TTC7B: variants seen among roughly 807,000 people sequenced by gnomAD.
TTC7B encodes the protein tetratricopeptide repeat domain 7B, also known as tetratricopeptide repeat protein 7B.
In TTC7B, 28 loss-of-function variants were observed where a neutral mutation model predicts 106.8. The observed-to-expected ratio is 0.26, with a 90% CI of 0.19 to 0.36. The LOEUF (loss-of-function observed/expected upper bound fraction) is 0.36. Ranked by LOEUF, TTC7B falls within the 10% of genes least tolerant of loss-of-function variation. The pLI is 1.00. For missense variants in TTC7B, 862 were observed against 1,076.4 expected, an observed-to-expected ratio of 0.80 and a Z score of 2.79; for synonymous variants, 405 against 430.6, an observed-to-expected ratio of 0.94 and a Z score of 0.74.
chr14:90,677,336 G>A (rs145369853), intron 8 of TTC7B, among the ~76,000 whole-genome samples: 2 of 152,286 alleles, frequency 1.3e-5, no homozygotes, highest in East Asian at 1.9e-4. Context: ...AGAGAACACC[G>A]TCAATTTTCT....
chr14:90,702,317 C>A (rs1035151139), intron 5 of TTC7B, among the ~76,000 whole-genome samples: 23 of 152,206 alleles, frequency 1.5e-4, no homozygotes, highest in Non-Finnish European at 2.9e-4. Flanking sequence ...ACCCACCTCA[C>A]TGTTGTAAGA....
chr14:90,547,525 G>A (rs1369095454), intron 19 of TTC7B, among the ~76,000 whole-genome samples: 1 of 152,260 alleles, frequency 6.6e-6, no homozygotes, highest in Non-Finnish European at 1.5e-5. Flanking sequence ...GCTGGACACT[G>A]TGGCTCACGC....
intron 1 of TTC7B, among the ~76,000 whole-genome samples, chr14:90,788,276 G>A (rs1298148355): frequency 1.3e-5 from 2 of 152,114 alleles, no homozygotes; most frequent in African/African-American, 4.8e-5. Flanking sequence ...GCGTGGGGCC[G>A]GTCCAGACAC....
intron 18 of TTC7B, among the ~76,000 whole-genome samples, chr14:90,582,827 C>T (rs1006117): frequency 0.14 from 22,048 of 152,190 alleles, 2,009 homozygotes; most frequent in East Asian, 0.32. Context: ...GCATGGGGCA[C>T]AACGTCTTAG....
At chr14:90,636,969 G>GA (rs950423011) in intron 15 of TTC7B, among the ~76,000 whole-genome samples, 167 of 117,998 alleles carry the variant, frequency 1.4e-3, no homozygotes, top group Non-Finnish European at 2.2e-3. Context: ...AAGAGATTAA[G>GA]AAAAAAAAAA....
intron 3 of TTC7B, among the ~76,000 whole-genome samples, chr14:90,769,835 A>T (rs1890803262): frequency 6.6e-6 from 1 of 152,176 alleles, no homozygotes; most frequent in Non-Finnish European, 1.5e-5. Flanking sequence ...CTATACTGAT[A>T]TCCAACAAAA....
At chr14:90,554,236 C>A (rs1465103508) in intron 19 of TTC7B, among the ~76,000 whole-genome samples, 1 of 152,208 alleles carries the variant, frequency 6.6e-6, no homozygotes, top group Non-Finnish European at 1.5e-5. Context: ...AGCCCCAAAG[C>A]CCCACAGTCC....
chr14:90,706,378 T>C (rs1263737006), intron 5 of TTC7B, among the ~76,000 whole-genome samples: 1 of 152,052 alleles, frequency 6.6e-6, no homozygotes, highest in Non-Finnish European at 1.5e-5. Flanking sequence ...TTAACCAGGA[T>C]GGTCTCGATC....
At chr14:90,706,270 C>A (rs1349836732) in intron 5 of TTC7B, among the ~76,000 whole-genome samples, 1 of 151,048 alleles carries the variant, frequency 6.6e-6, no homozygotes, top group Non-Finnish European at 1.5e-5. Context: ...TCACACCATT[C>A]TCCTGCCTCA....
intron 16 of TTC7B, among the ~76,000 whole-genome samples, chr14:90,617,480 T>C (rs932899138): frequency 6.6e-6 from 1 of 152,242 alleles, no homozygotes; most frequent in Non-Finnish European, 1.5e-5. Context: ...TTCACAGTGA[T>C]ATTTTATGCC....
intron 19 of TTC7B, among the ~76,000 whole-genome samples, chr14:90,565,399 C>CT (rs35307541): frequency 0.3 from 32,803 of 107,634 alleles, 7,334 homozygotes; most frequent in Non-Finnish European, 0.41. Context: ...TCCTTTCTAG[C>CT]TTTTTTTTTT....
Position 90,647,033 on chromosome 14 carries a change from T to C in TTC7B, c.1518-10A>G, listed in dbSNP as rs779843983. 3 of 1,613,714 alleles carry C rather than the reference T, an allele frequency of 1.9e-6. No homozygotes were observed. The highest frequency in any genetic ancestry group is 2.7e-5 in the African/African-American group (2 of 74,920). ...TGACAGGCTGTGGGCCCTGAAAAAG[T>C]ATTTACGGCTATTAGTACATGGGAG... is the stretch of plus-strand genomic sequence containing the variant. On this transcript the variant is annotated splice_polypyrimidine_tract_variant and intron_variant, in intron 13 of 19. Coordinates refer to ENST00000328459, the MANE Select transcript of TTC7B (RefSeq NM_001010854.2).
intron 19 of TTC7B, among the ~76,000 whole-genome samples, chr14:90,557,519 T>C (rs1890369063): frequency 1.3e-5 from 2 of 152,242 alleles, no homozygotes; most frequent in South Asian, 4.1e-4. Flanking sequence ...ATATCCTTAG[T>C]GTGTATCTGT....
In TTC7B at chr14:90,714,447, A is replaced by C. The variant is rs868767051; in HGVS notation, c.698+15628T>G. 2.1e-5 allele frequency among the ~76,000 whole-genome samples: 3 copies of C among 141,488 alleles called. No homozygotes were observed. The South Asian group carries it at 6.6e-4, about 31-fold the overall frequency. 92.8% of individuals were successfully genotyped at this position (141,488 alleles called of 152,430 possible). ...AACTGAATTGTGAAGATGATTGCAC[A>C]GCTGTATAAATTTTTTTTTTTTTTT... is the stretch of plus-strand genomic sequence containing the variant. On this transcript the variant is annotated intron_variant, in intron 5 of 19. Transcript: ENST00000328459.
intron 4 of TTC7B, among the ~76,000 whole-genome samples, chr14:90,741,718 ATCT>A (rs1889773387): frequency 6.6e-6 from 1 of 152,226 alleles, no homozygotes; most frequent in African/African-American, 2.4e-5. Flanking sequence ...ACACACAACT[ATCT>A]TGCCACATAA....
intron 17 of TTC7B, among the ~76,000 whole-genome samples, chr14:90,605,380 C>T (rs1036412023): frequency 6.6e-6 from 1 of 152,188 alleles, no homozygotes; most frequent in Non-Finnish European, 1.5e-5. Flanking sequence ...CAGAAGGTTT[C>T]CTTTACTTTG....
At chr14:90,556,376 G>A (rs1057380499) in intron 19 of TTC7B, among the ~76,000 whole-genome samples, 9 of 152,132 alleles carry the variant, frequency 5.9e-5, no homozygotes, top group Admixed American at 2.0e-4. Context: ...TGGCTGGAAC[G>A]TGGCGGTAGC....
rs1470427591 is a variant in TTC7B at position 90,576,911 on chromosome 14, C to T, written c.2310+1195G>A. Reference sequence around the variant, plus strand: ...ACATCCTATTAGTCTTGGACAGACACAGCCTGTCTAGTCAAATGCCTTCAT... The same window carrying T: ...ACATCCTATTAGTCTTGGACAGACATAGCCTGTCTAGTCAAATGCCTTCAT... On this transcript the variant is annotated intron_variant, in intron 19 of 19. Transcript: ENST00000328459. 3.9e-5 allele frequency among the ~76,000 whole-genome samples: 6 copies of T among 152,204 alleles called. No homozygotes were observed. The East Asian group carries it at 7.7e-4, about 20-fold the overall frequency.
chr14:90,580,837 G>A (rs1425838672), intron 18 of TTC7B, among the ~76,000 whole-genome samples: 2 of 152,224 alleles, frequency 1.3e-5, no homozygotes, highest in African/African-American at 2.4e-5. Context: ...GTATGCCAGG[G>A]ATAGCCCTGG....
Sources: gnomAD v4.1 joint callset for allele counts (sites outside exome capture counted in the v4.1 genomes callset) on GRCh38, gnomAD v4.1.1 for gene constraint, MANE v1.5 for transcripts, NCBI Gene and HGNC (gene_info 2026-07-23, HGNC 2026-07-21) for gene names.